TAFA2: variants seen among roughly 807,000 people sequenced by gnomAD.
The protein encoded by TAFA2 is TAFA chemokine like family member 2, also known as chemokine-like protein TAFA-2.
In TAFA2, 7 loss-of-function variants were observed where a neutral mutation model predicts 18.8. The observed-to-expected ratio is 0.37, with a 90% CI of 0.21 to 0.70. The LOEUF (loss-of-function observed/expected upper bound fraction) is 0.70, where lower values mean the gene tolerates loss of function less well. Ranked by LOEUF, TAFA2 falls within the 30% of genes least tolerant of loss-of-function variation. The pLI is 0.53. For missense variants in TAFA2, 122 were observed against 158.1 expected (o/e 0.77, Z 1.23); for synonymous variants, 60 against 54.2 (o/e 1.11, Z -0.47).
intron 1 of TAFA2, among the ~76,000 whole-genome samples, chr12:62,203,608 T>A (rs2062680534): frequency 1.3e-5 from 2 of 152,258 alleles, no homozygotes; most frequent in East Asian, 1.9e-4. Flanking sequence ...TGTCTTTTTT[T>A]AATCTTCATT....
At chr12:62,081,062 G>A (rs1317305867) in intron 1 of TAFA2, among the ~76,000 whole-genome samples, 1 of 152,006 alleles carries the variant, frequency 6.6e-6, no homozygotes, top group Non-Finnish European at 1.5e-5. Flanking sequence ...GGGCGTAGTG[G>A]GGGGCGCCTG....
intron 1 of TAFA2, among the ~76,000 whole-genome samples, chr12:62,077,384 A>G (rs1346278666): frequency 6.6e-6 from 1 of 152,260 alleles, no homozygotes; most frequent in African/African-American, 2.4e-5. Flanking sequence ...GTAAATTAAA[A>G]ATTAAAATTC....
At chr12:62,117,640 A>C (rs1323921241) in intron 1 of TAFA2, among the ~76,000 whole-genome samples, 1 of 152,162 alleles carries the variant, frequency 6.6e-6, no homozygotes, top group East Asian at 1.9e-4. Context: ...AATATAATTT[A>C]AGTGAGCACC....
At chr12:61,876,946 T>C (rs1478309028) in intron 1 of TAFA2, among the ~76,000 whole-genome samples, 1 of 152,216 alleles carries the variant, frequency 6.6e-6, no homozygotes, top group Non-Finnish European at 1.5e-5. Context: ...CACACTTTTA[T>C]AACTACATTC....
chr12:61,808,815 C>A (rs144826448), intron 2 of TAFA2, among the ~76,000 whole-genome samples: 4 of 151,302 alleles, frequency 2.6e-5, no homozygotes, highest in Admixed American at 6.6e-5. Flanking sequence ...GCAGCGCATA[C>A]GGAATCAGCA....
chr12:62,137,809 T>C (rs1429716950), intron 1 of TAFA2, among the ~76,000 whole-genome samples: 2 of 152,084 alleles, frequency 1.3e-5, no homozygotes, highest in Admixed American at 6.6e-5. Flanking sequence ...AAAAGTTAGA[T>C]CACAGCATCG....
At chr12:62,086,285 A>G (rs1868449860) in intron 1 of TAFA2, among the ~76,000 whole-genome samples, 1 of 152,184 alleles carries the variant, frequency 6.6e-6, no homozygotes, top group South Asian at 2.1e-4. Flanking sequence ...AGAAGAAAAA[A>G]ATAGGTAATT....
In TAFA2 at chr12:61,710,109, T is replaced by G; in HGVS notation, c.*297A>C. ...ACTCAAAAGGTGACTGTCTCTAACA[T>G]CACCCTGAAAAAAACAACTCTTCAC... On this transcript the variant is annotated 3_prime_UTR_variant, in exon 5 of 5. Coordinates refer to ENST00000416284, the MANE Select transcript of TAFA2 (RefSeq NM_178539.5). The G allele has an allele frequency of 2.5e-6, 1 of 399,410 alleles. No homozygotes were observed. The highest frequency in any genetic ancestry group is 4.5e-6 in the Non-Finnish European group (1 of 221,394). The allele number at this position is 399,410 out of a possible 1,614,324, so 24.7% of individuals were successfully genotyped here. A position where few individuals can be genotyped will look rare whatever the true frequency, so the allele number is the denominator to read the frequency against.
At chr12:62,176,665 G>A (rs1196804570) in intron 1 of TAFA2, among the ~76,000 whole-genome samples, 1 of 152,042 alleles carries the variant, frequency 6.6e-6, no homozygotes, top group East Asian at 1.9e-4. Flanking sequence ...AATGAAATTG[G>A]AGAATCATAG....
chr12:62,081,673 C>A (rs1307074848), intron 1 of TAFA2, among the ~76,000 whole-genome samples: 1 of 151,858 alleles, frequency 6.6e-6, no homozygotes, highest in Non-Finnish European at 1.5e-5. Context: ...TTAGTAGAGA[C>A]GGGGTTTCAC....
chr12:62,172,262 G>A (rs758265499), intron 1 of TAFA2, among the ~76,000 whole-genome samples: 7 of 151,374 alleles, frequency 4.6e-5, no homozygotes, highest in East Asian at 1.9e-4. Flanking sequence ...TTCATCCTCC[G>A]CTTTATTAAG....
chr12:61,714,710 A>C (rs1334038926), intron 4 of TAFA2, among the ~76,000 whole-genome samples: 1 of 152,210 alleles, frequency 6.6e-6, no homozygotes, highest in African/African-American at 2.4e-5. Flanking sequence ...TTCCTCTGCC[A>C]ATCTTCAAGT....
intron 1 of TAFA2, among the ~76,000 whole-genome samples, chr12:62,245,640 T>G (rs2062881510): frequency 6.8e-6 from 1 of 147,740 alleles, no homozygotes; most frequent in African/African-American, 2.4e-5. Flanking sequence ...ATATATAAAA[T>G]GTATATTTTA....
intron 2 of TAFA2, among the ~76,000 whole-genome samples, chr12:61,783,546 G>A (rs1225009963): frequency 6.6e-6 from 1 of 151,506 alleles, no homozygotes; most frequent in Non-Finnish European, 1.5e-5. Flanking sequence ...TGAAATTAAT[G>A]AACACTACAG....
At chr12:61,773,187 C>T (rs1256459894) in intron 2 of TAFA2, among the ~76,000 whole-genome samples, 1 of 151,954 alleles carries the variant, frequency 6.6e-6, no homozygotes, top group Non-Finnish European at 1.5e-5. Flanking sequence ...CTACAAAACA[C>T]TGCTGAAAGA....
chr12:61,753,716 T>C lies in TAFA2; in HGVS notation c.290A>G (p.His97Arg), dbSNP rs1869129099. The C allele has an allele frequency of 1.2e-6, 2 of 1,612,300 alleles. No homozygotes were observed. Among genetic ancestry groups the C allele is most frequent in the Non-Finnish European group, 1.7e-6 (2 of 1,178,896 alleles). ...ASIVEQKWWC[H>R]MQPCLEGEEC... is the part of the protein sequence containing the mutation. ...TTCTCCCTCTAGACATGGCTGCATATGGCACCACCATTTCTGTTCCACTAT... is the reference window on the plus strand; with the variant it reads ...TTCTCCCTCTAGACATGGCTGCATACGGCACCACCATTTCTGTTCCACTAT... Residue 97 changes from histidine (H) to arginine (R), a missense_variant, in exon 4 of 5, where the codon CAT becomes CGT. His to Arg is a conservative substitution (Grantham distance 29). Coordinates refer to ENST00000416284, the MANE Select transcript of TAFA2 (RefSeq NM_178539.5).
intron 1 of TAFA2, among the ~76,000 whole-genome samples, chr12:62,073,873 G>A (rs1044327769): frequency 2.0e-5 from 3 of 152,214 alleles, no homozygotes; most frequent in African/African-American, 4.8e-5. Context: ...AATGGCAAGA[G>A]TAGGGATTGT....
chr12:61,719,094 G>C (rs973933128), intron 4 of TAFA2, among the ~76,000 whole-genome samples: 1 of 152,058 alleles, frequency 6.6e-6, no homozygotes, highest in Non-Finnish European at 1.5e-5. Flanking sequence ...AGTTGGGGGG[G>C]ATCTAATCTA....
At chr12:61,890,634 C>T (rs1405274672) in intron 1 of TAFA2, among the ~76,000 whole-genome samples, 1 of 152,192 alleles carries the variant, frequency 6.6e-6, no homozygotes, top group Non-Finnish European at 1.5e-5. Flanking sequence ...GTTTAGCACA[C>T]AGTTTTTCAG....
Sources: allele counts gnomAD v4.1 joint callset (sites outside exome capture counted in the v4.1 genomes callset), GRCh38; gene constraint gnomAD v4.1.1; transcripts MANE v1.5; gene names NCBI Gene and HGNC (gene_info 2026-07-23, HGNC 2026-07-21).